IQCK: variants seen among roughly 807,000 people sequenced by gnomAD.
IQCK encodes the protein IQ motif containing K.
In IQCK, 29 loss-of-function variants were observed where a neutral mutation model predicts 28.1. The observed-to-expected ratio is 1.03, with a 90% confidence interval of 0.77 to 1.41. IQCK has a LOEUF of 1.41. IQCK is among the 40% of genes most tolerant of loss of function. The pLI, the probability that IQCK is intolerant of heterozygous loss-of-function variation, is 0.00. For missense variants in IQCK, 359 were observed against 314.7 expected (o/e 1.14, Z -1.07); for synonymous variants, 113 against 115.1 (o/e 0.98, Z 0.12).
chr16:19,718,482 G>A, exon 1 of IQCK: 1 of 1,604,088 alleles, frequency 6.2e-7, no homozygotes, highest in Non-Finnish European at 8.5e-7. Flanking sequence ...GAGCAGATCT[G>A]CAAGGGTAGG....
Position 19,750,036 on chromosome 16 carries a change from G to A in IQCK, c.475-13812G>A, listed in dbSNP as rs7342708. On this transcript the variant is annotated intron_variant, in intron 4 of 7. Transcript: ENST00000564186. ...CGTGACCCCAGACCTTGCTAGTATT[G>A]TGACCTTGTAATTTTAATATTTCTA... 4.7e-3 allele frequency among the ~76,000 whole-genome samples: 715 copies of A among 152,238 alleles called. 5 individuals are homozygous for A. The highest frequency in any genetic ancestry group is 0.017 in the African/African-American group (699 of 41,540).
intron 9 of IQCK, among the ~76,000 whole-genome samples, chr16:19,837,027 T>C (rs188558443): frequency 2.6e-4 from 39 of 152,284 alleles, no homozygotes; most frequent in African/African-American, 8.7e-4. Flanking sequence ...GAATAGTGCC[T>C]GGCCCATAAT....
chr16:19,726,350 A>T (rs2151675544), intron 1 of IQCK, among the ~76,000 whole-genome samples: 1 of 152,320 alleles, frequency 6.6e-6, no homozygotes, highest in East Asian at 1.9e-4. Context: ...ACTCTAGAGA[A>T]ACAGGCAGTG....
At chr16:19,740,403 A>AAGG (rs1386680135) in intron 4 of IQCK, among the ~76,000 whole-genome samples, 1 of 152,098 alleles carries the variant, frequency 6.6e-6, no homozygotes, top group African/African-American at 2.4e-5. Context: ...ATGGAAGGGG[A>AAGG]GTGAGGCTGG....
intron 9 of IQCK, among the ~76,000 whole-genome samples, chr16:19,845,119 T>G (rs1449182633): frequency 6.6e-6 from 1 of 152,196 alleles, no homozygotes; most frequent in African/African-American, 2.4e-5. Context: ...AGTTTCTTAC[T>G]CCTTGGAGTT....
chr16:19,735,075 G>T (rs1977968605), intron 3 of IQCK, among the ~76,000 whole-genome samples: 2 of 152,040 alleles, frequency 1.3e-5, no homozygotes, highest in Non-Finnish European at 2.9e-5. Flanking sequence ...GGCCACACTG[G>T]GCCCCTTGCT....
chr16:19,776,521 A>G lies in IQCK; in HGVS notation c.606-12317A>G, dbSNP rs554875245. 3.3e-5 allele frequency among the ~76,000 whole-genome samples: 5 copies of G among 152,284 alleles called. No individual in the cohort carries two copies. In the South Asian group the frequency reaches 1.0e-3, roughly 32 times the overall value. The stretch of plus-strand genomic sequence containing the variant: ...AGACTTTGAGACCATCCTGGCCAAC[A>G]TGGTGAAACTCCGTCTCTACTAAAA... On this transcript the variant is annotated intron_variant, in intron 6 of 7. Coordinates refer to ENST00000564186, the Ensembl canonical transcript of IQCK.
intron 7 of IQCK, among the ~76,000 whole-genome samples, chr16:19,822,319 G>A (rs2056085134): frequency 6.8e-6 from 1 of 147,398 alleles, no homozygotes; most frequent in Non-Finnish European, 1.5e-5. Flanking sequence ...CAGGGAGGCA[G>A]AGGTTGCAGT....
chr16:19,827,027 T>A (rs140069435), exon 8 of IQCK: 2 of 1,610,022 alleles, frequency 1.2e-6, no homozygotes, highest in South Asian at 1.1e-5. Context: ...ATTTTCCAGG[T>A]TCGCTGTGAT....
chr16:19,798,421 A>ATATATAT (rs2055716302), intron 7 of IQCK, among the ~76,000 whole-genome samples: 1 of 115,484 alleles, frequency 8.7e-6, no homozygotes, highest in East Asian at 2.1e-4. Flanking sequence ...CATCACAAAA[A>ATATATAT]ATATATATAT....
chr16:19,815,314 C>G (rs1235818702), intron 7 of IQCK, among the ~76,000 whole-genome samples: 1 of 152,056 alleles, frequency 6.6e-6, no homozygotes, highest in African/African-American at 2.4e-5. Context: ...TGTAACACTT[C>G]CACAATACCA....
At chr16:19,750,338 G>A (rs914232099) in intron 4 of IQCK, among the ~76,000 whole-genome samples, 5 of 152,038 alleles carry the variant, frequency 3.3e-5, no homozygotes, top group African/African-American at 1.2e-4. Flanking sequence ...TGTTGGCCAG[G>A]CTAGTCTTGA....
intron 7 of IQCK, among the ~76,000 whole-genome samples, chr16:19,792,872 C>T (rs1194756634): frequency 8.7e-6 from 1 of 115,398 alleles, no homozygotes; most frequent in Non-Finnish European, 1.5e-5. Context: ...AGCCACTGCA[C>T]CCGGCCACAC....
chr16:19,809,190 C>G (rs2055871053), intron 7 of IQCK, among the ~76,000 whole-genome samples: 1 of 152,222 alleles, frequency 6.6e-6, no homozygotes, highest in Non-Finnish European at 1.5e-5. Flanking sequence ...ACCAGTTTCC[C>G]TCCAGGGCAA....
chr16:19,850,424 T>G lies in IQCK; in HGVS notation c.803-6063T>G, dbSNP rs182868576. On this transcript the variant is annotated intron_variant, in intron 9 of 9. Coordinates refer to the IQCK transcript ENST00000320394. ...AAGGGCTTCATAAGTACCATAGAAG[T>G]GTTTGCTTTTATTATTTACCTGGAA... Among the ~76,000 whole-genome samples, 9 of 152,328 alleles carry G rather than the reference T, an allele frequency of 5.9e-5. No homozygotes were observed. In the East Asian group the frequency reaches 1.5e-3, roughly 26 times the overall value.
At chr16:19,742,934 C>T (rs550225192) in intron 4 of IQCK, among the ~76,000 whole-genome samples, 32 of 152,226 alleles carry the variant, frequency 2.1e-4, no homozygotes, top group Non-Finnish European at 4.1e-4. Flanking sequence ...TTTGGGAGGC[C>T]GAGGCGGGTA....
intron 9 of IQCK, among the ~76,000 whole-genome samples, chr16:19,838,960 A>T (rs1045305993): frequency 7.4e-6 from 1 of 134,860 alleles, no homozygotes; most frequent in African/African-American, 2.8e-5. Context: ...CAGAGGTTGC[A>T]GTGAGGCAAG....
At chr16:19,809,137 G>A (rs1015203282) in intron 7 of IQCK, among the ~76,000 whole-genome samples, 2 of 152,216 alleles carry the variant, frequency 1.3e-5, no homozygotes, top group Non-Finnish European at 2.9e-5. Context: ...GATTACAGGC[G>A]TAAGCCACCA....
downstream of IQCK, among the ~76,000 whole-genome samples, chr16:19,831,983 T>C (rs2056238092): frequency 6.6e-6 from 1 of 152,136 alleles, no homozygotes; most frequent in Admixed American, 6.6e-5. Flanking sequence ...AGGAATTATT[T>C]TAAAACGTGT....
Sources: allele counts gnomAD v4.1 joint callset (sites outside exome capture counted in the v4.1 genomes callset), GRCh38; gene constraint gnomAD v4.1.1; transcripts MANE v1.5; gene names NCBI Gene and HGNC (gene_info 2026-07-23, HGNC 2026-07-21).